VIRMA: variants seen among roughly 807,000 people sequenced by gnomAD.
VIRMA encodes the protein vir like m6A methyltransferase associated.
A neutral mutation model predicts 182.4 loss-of-function variants in VIRMA; 65 were observed. That is an observed-to-expected ratio of 0.36 (90% CI 0.29 to 0.44). The LOEUF (loss-of-function observed/expected upper bound fraction) is 0.44, where lower values mean the gene tolerates loss of function less well. Among genes scored for constraint, VIRMA ranks in the 20% least tolerant of loss-of-function variants. The pLI is 1.00. For synonymous variants in VIRMA, 709 were observed against 743.1 expected (o/e 0.95, Z 0.75); for missense variants, 1,752 against 2,158.1 (o/e 0.81, Z 3.73).
At chr8:94,499,608 A>C in intron 16 of VIRMA, 102 bp from the exon 17 acceptor site, 1 of 791,622 alleles carries the variant, frequency 1.3e-6, no homozygotes, top group Non-Finnish European at 1.8e-6. Context: ...AACTTACTCC[A>C]TCATTTTTAA....
intron 13 of VIRMA, 69 bp from the exon 14 acceptor site, chr8:94,510,721 C>A: frequency 1.7e-6 from 2 of 1,160,248 alleles, no homozygotes; most frequent in Non-Finnish European, 2.5e-6. Context: ...AAAAACTGTT[C>A]AGGAAGAAAT....
At chr8:94,544,875 G>T (rs1277940634) in intron 1 of VIRMA, among the ~76,000 whole-genome samples, 1 of 151,796 alleles carries the variant, frequency 6.6e-6, no homozygotes, top group African/African-American at 2.4e-5. Flanking sequence ...TAATATCAAG[G>T]GATCAGGGAA....
intron 17 of VIRMA, chr8:94,498,032 AAG>A (rs1292008872): frequency 6.6e-6 from 1 of 152,248 alleles, no homozygotes; most frequent in East Asian, 1.9e-4. Flanking sequence ...CAGGGAGAGA[AAG>A]AGAGTCTCAC....
chr8:94,491,991 T>C (rs1813618026), intron 21 of VIRMA, 82 bp from the exon 22 acceptor site: 1 of 1,100,016 alleles, frequency 9.1e-7, no homozygotes, highest in Non-Finnish European at 1.3e-6. Context: ...CAAAATTATA[T>C]TTCAGTTTTT....
At chr8:94,515,099 T>A in intron 10 of VIRMA, 148 bp from the exon 11 acceptor site, 2 of 167,164 alleles carry the variant, frequency 1.2e-5, no homozygotes, top group Non-Finnish European at 2.5e-5. Context: ...CATCTAATTC[T>A]TTTTTTTTTT....
intron 1 of VIRMA, among the ~76,000 whole-genome samples, chr8:94,550,456 CTATT>C (rs1484208798): frequency 6.6e-6 from 1 of 151,968 alleles, no homozygotes; most frequent in Non-Finnish European, 1.5e-5. Flanking sequence ...CCACGCTCGG[CTATT>C]TGTTTGTATT....
At chr8:94,532,518 A>G (rs981131208) in intron 5 of VIRMA, among the ~76,000 whole-genome samples, 1 of 152,246 alleles carries the variant, frequency 6.6e-6, no homozygotes, top group Non-Finnish European at 1.5e-5. Context: ...TGAAATCTGA[A>G]TAAGCTCCAT....
At chr8:94,516,136 C>G (rs1814555332) in intron 10 of VIRMA, among the ~76,000 whole-genome samples, 3 of 152,022 alleles carry the variant, frequency 2.0e-5, no homozygotes, top group Admixed American at 2.0e-4. Flanking sequence ...ACAAAATAGA[C>G]TGCTTATAAA....
rs1257970219 is a variant in VIRMA, at chr8:94,496,426, G to A, written c.4285C>T (p.Arg1429Trp). The change falls in exon 18 of 24, where the codon CGG becomes TGG. Residue 1429 changes from arginine (R) to tryptophan (W), a missense_variant. This residue lies in a region of VIRMA where 777 missense variants were observed against 920.6 expected (regional missense o/e 0.84). Coordinates refer to ENST00000297591, the MANE Select transcript of VIRMA (RefSeq NM_015496.5). ...LMEVEGAHTS[R>W]TMSINAAELK... ...TCTGCAGCATTAATACTCATCGTCC[G>A]TGATGTATGAGCTCCCTCTACTTCC... 2.5e-6 allele frequency: 4 copies of A among 1,612,906 alleles called. No individual in the cohort carries two copies. Among genetic ancestry groups the A allele is most frequent in the Non-Finnish European group, 3.4e-6 (4 of 1,179,084 alleles).
chr8:94,496,528 A>C, intron 17 of VIRMA, 48 bp from the exon 18 acceptor site: 1 of 1,485,134 alleles, frequency 6.7e-7, no homozygotes, highest in Non-Finnish European at 9.3e-7. Context: ...GAAATTTACA[A>C]AGATGCATCC....
chr8:94,531,071 C>G lies in VIRMA; in HGVS notation c.499G>C (p.Glu167Gln), dbSNP rs534276679. Residue 167 changes from glutamate (E) to glutamine (Q), a missense_variant, in exon 6 of 24, where the codon GAA becomes CAA. By Grantham distance (29) the Glu-to-Gln change is conservative. Transcript: ENST00000297591. The part of the protein sequence containing the change: ...RNPKHADGEK[E>Q]DQFNGSPPRP... ...GGAGGGCTTCCATTAAACTGATCTT[C>G]TTTCTCCCCATCAGCTAGTGTTTTA... 131 of 1,566,706 alleles carry G rather than the reference C, an allele frequency of 8.4e-5. 1 individual carries two copies. In the South Asian group the frequency reaches 1.4e-3, roughly 16 times the overall value.
In VIRMA at chr8:94,527,377, T is replaced by C; in HGVS notation, c.881-14A>G. ...AACCATCATCCCCTGAAAATTAGTA[T>C]GAATAATATTTAAGTATTACATCAT... On this transcript the variant is annotated splice_polypyrimidine_tract_variant and intron_variant, in intron 7 of 23. Coordinates refer to ENST00000297591, the MANE Select transcript of VIRMA (RefSeq NM_015496.5). The C allele has an allele frequency of 6.8e-7, 1 of 1,469,294 alleles. No homozygotes were observed. The highest frequency in any genetic ancestry group is 9.2e-7 in the Non-Finnish European group (1 of 1,085,068). The allele number at this position is 1,469,294 out of a possible 1,614,324, so 91.0% of individuals were successfully genotyped here. A position where few individuals can be genotyped will look rare whatever the true frequency, so the allele number is the denominator to read the frequency against.
At chr8:94,500,531 T>C (rs923185159) in intron 16 of VIRMA, among the ~76,000 whole-genome samples, 1 of 152,174 alleles carries the variant, frequency 6.6e-6, no homozygotes, top group African/African-American at 2.4e-5. Flanking sequence ...CCTATTAGAA[T>C]GCCTAACATT....
intron 20 of VIRMA, among the ~76,000 whole-genome samples, chr8:94,494,178 A>C (rs1446838625): frequency 3.3e-5 from 5 of 152,354 alleles, no homozygotes; most frequent in African/African-American, 1.2e-4. Flanking sequence ...TCTCTGGCCA[A>C]ATGTGGTGGC....
intron 17 of VIRMA, chr8:94,497,565 TA>T (rs1158268022): frequency 6.6e-6 from 1 of 152,208 alleles, no homozygotes; most frequent in Admixed American, 6.6e-5. Flanking sequence ...CAAGCCCAGC[TA>T]ATTTTTTGTA....
At chr8:94,510,140 C>G (rs996546125) in intron 14 of VIRMA, among the ~76,000 whole-genome samples, 200 bp from the exon 15 acceptor site, 1 of 152,146 alleles carries the variant, frequency 6.6e-6, no homozygotes, top group African/African-American at 2.4e-5. Flanking sequence ...AATATATTTT[C>G]TTAAATCAGA....
chr8:94,491,973 A>G (rs1193111075), intron 21 of VIRMA, 64 bp from the exon 22 acceptor site: 6 of 1,269,406 alleles, frequency 4.7e-6, no homozygotes, highest in African/African-American at 1.5e-5. Context: ...AATAATCTTT[A>G]TAATACCCAA....
chr8:94,517,462 C>G (rs1814600401), intron 10 of VIRMA, among the ~76,000 whole-genome samples: 1 of 152,226 alleles, frequency 6.6e-6, no homozygotes, highest in Non-Finnish European at 1.5e-5. Context: ...CTTGGCCTCC[C>G]AAAGTGCTGG....
chr8:94,551,987 T>G (rs528849247), intron 1 of VIRMA, among the ~76,000 whole-genome samples: 103 of 152,308 alleles, frequency 6.8e-4, no homozygotes, highest in Admixed American at 2.2e-3. Flanking sequence ...TCCCAAAACG[T>G]TGAGATTACA....
Sources: allele counts gnomAD v4.1 joint callset (sites outside exome capture counted in the v4.1 genomes callset), GRCh38; gene constraint gnomAD v4.1.1; regional missense constraint gnomAD v4.1.1; transcripts MANE v1.5; gene names NCBI Gene and HGNC (gene_info 2026-07-23, HGNC 2026-07-21).